The following ITSN1 variants were observed in gnomAD, a reference collection of about 807,000 sequenced individuals.
ITSN1 encodes the protein intersectin-1.
In ITSN1, 58 loss-of-function variants were observed where a neutral mutation model predicts 239.8. The observed-to-expected ratio is 0.24, with a 90% CI of 0.20 to 0.30. The LOEUF is 0.30. Among genes scored for constraint, ITSN1 ranks in the 10% least tolerant of loss-of-function variants. The pLI, the probability that ITSN1 is intolerant of heterozygous loss-of-function variation, is 1.00. For missense variants in ITSN1, 1,558 were observed against 2,103.3 expected (o/e 0.74, Z 5.07); for synonymous variants, 780 against 770.8 (o/e 1.01, Z -0.20).
chr21:33,807,759 G>A (rs1447360016), intron 20 of ITSN1, among the ~76,000 whole-genome samples: 1 of 152,208 alleles, frequency 6.6e-6, no homozygotes, highest in Admixed American at 6.5e-5. Context: ...GTCGATCAAG[G>A]GATCCACTTG....
In ITSN1 at chr21:33,898,155, G is replaced by A. The variant is rs1208913342; in HGVS notation, c.*9855G>A. 1 of 152,162 alleles carries A rather than the reference G, an allele frequency of 6.6e-6. No individual in the cohort carries two copies. The highest frequency in any genetic ancestry group is 6.5e-5 in the Admixed American group (1 of 15,280). 9.4% of individuals were successfully genotyped at this position (152,162 alleles called of 1,614,324 possible). A position where few individuals can be genotyped will look rare whatever the true frequency, so the allele number is the denominator to read the frequency against. ...TTCTAGTGGATTTGTTAGGGATCTG[G>A]GGCTGACGCAGCTATCCCACTAGAG... On this transcript the variant is annotated 3_prime_UTR_variant, in exon 40 of 40. Coordinates refer to ENST00000381318, the MANE Select transcript of ITSN1 (RefSeq NM_003024.3).
At chr21:33,814,265 C>T in intron 22 of ITSN1, 193 bp downstream of exon 22, 1 of 552,126 alleles carries the variant, frequency 1.8e-6, no homozygotes, top group South Asian at 2.5e-5. Context: ...GGGGGTGGGA[C>T]ACAGTCAACT....
chr21:33,865,408 A>G lies in ITSN1; in HGVS notation c.4074+74A>G. The stretch of plus-strand genomic sequence containing the variant: ...GGGCAGCTGGATGTGTGAGGGGCTA[A>G]TTCAAAAGTCTGCAAGAGTGTTCCC... On this transcript the variant is annotated intron_variant, in intron 32 of 39. Coordinates refer to ENST00000381318, the MANE Select transcript of ITSN1 (RefSeq NM_003024.3). The surrounding 1 kb of genome is among the most constrained non-coding windows in gnomAD (Gnocchi z 4.4). 8.0e-7 allele frequency: 1 copy of G among 1,249,686 alleles called. No individual in the cohort carries two copies. Among genetic ancestry groups the G allele is most frequent in the Non-Finnish European group, 1.1e-6 (1 of 914,366 alleles). The allele number at this position is 1,249,686 out of a possible 1,614,324, so 77.4% of individuals were successfully genotyped here.
intron 5 of ITSN1, chr21:33,735,492 T>C (rs2066443509): frequency 1.9e-5 from 7 of 378,310 alleles, no homozygotes; most frequent in Non-Finnish European, 3.4e-5. Context: ...TTTTTTTTTT[T>C]TTTTCTCTTC....
chr21:33,693,903 C>T (rs764998851), intron 1 of ITSN1, among the ~76,000 whole-genome samples: 2 of 152,196 alleles, frequency 1.3e-5, no homozygotes, highest in Admixed American at 6.5e-5. Context: ...ATATTTACAA[C>T]ACTTTATCCA....
Position 33,800,821 on chromosome 21 carries a change from T to G in ITSN1, c.2304+892T>G, listed in dbSNP as rs116485996. 6.3e-3 allele frequency among the ~76,000 whole-genome samples: 957 copies of G among 152,126 alleles called. 11 individuals are homozygous for G. Among genetic ancestry groups the G allele is most frequent in the African/African-American group, 0.022 (907 of 41,480 alleles). ...TTTTAAAGATAATTTAGATTTTTTT[T>G]TTGTTGTGGTTGACACAAGTTCTCA... On this transcript the variant is annotated intron_variant, in intron 19 of 39. Coordinates refer to ENST00000381318, the MANE Select transcript of ITSN1 (RefSeq NM_003024.3).
chr21:33,797,707 T>C lies in ITSN1; in HGVS notation c.2182+99T>C. 1 of 846,494 alleles carries C rather than the reference T, an allele frequency of 1.2e-6. No individual in the cohort carries two copies. Among genetic ancestry groups the C allele is most frequent in the Non-Finnish European group, 1.9e-6 (1 of 534,370 alleles). 52.4% of individuals were successfully genotyped at this position (846,494 alleles called of 1,614,324 possible). A position where few individuals can be genotyped will look rare whatever the true frequency, so the allele number is the denominator to read the frequency against. ...CTCATCAGTACCTGTCTTGGCTACA[T>C]TAACAGATGAGAACGTCAGTCTCTT... On this transcript the variant is annotated intron_variant, in intron 18 of 39. Transcript: ENST00000381318. This position sits in a 1 kb window ranked among gnomAD's most constrained non-coding sequence, Gnocchi z 4.9.
rs114263380 is a variant in ITSN1, at chr21:33,750,333, T to C, written c.526+11T>C. On this transcript the variant is annotated intron_variant, in intron 6 of 39. Coordinates refer to ENST00000381318, the MANE Select transcript of ITSN1 (RefSeq NM_003024.3). ...CATTTGCTCATCCTGGTATGTGACTTGCTGAAACCATAGGCTGAGTTTTTA... is the reference window on the plus strand; with the variant it reads ...CATTTGCTCATCCTGGTATGTGACTCGCTGAAACCATAGGCTGAGTTTTTA... The C allele has an allele frequency of 3.7e-4, 602 of 1,611,454 alleles. 4 individuals carry two copies. The African/African-American group carries it at 6.9e-3, about 18-fold the overall frequency.
In ITSN1 at chr21:33,781,458, C is replaced by G; in HGVS notation, c.1597-3C>G. On this transcript the variant is annotated splice_polypyrimidine_tract_variant and splice_region_variant and intron_variant, in intron 14 of 39. Coordinates refer to ENST00000381318, the MANE Select transcript of ITSN1 (RefSeq NM_003024.3). Reference sequence around the variant, plus strand: ...CATTACTATTTTCCTCCTTCCTTCCCAGGAATCTCAGCAAATGCTTGGAAG... The same window carrying G: ...CATTACTATTTTCCTCCTTCCTTCCGAGGAATCTCAGCAAATGCTTGGAAG... 1 of 1,551,156 alleles carries G rather than the reference C, an allele frequency of 6.4e-7. No homozygotes were observed. The highest frequency in any genetic ancestry group is 8.9e-7 in the Non-Finnish European group (1 of 1,128,492).
At chr21:33,841,937 C>CTT (rs60218190) in intron 29 of ITSN1, among the ~76,000 whole-genome samples, 8 of 131,994 alleles carry the variant, frequency 6.1e-5, no homozygotes, top group African/African-American at 8.4e-5. Flanking sequence ...CTCTTGGGCA[C>CTT]TTTTTTTTTT....
At chr21:33,784,310 AACACACACAC>A (rs58496273) in intron 16 of ITSN1, among the ~76,000 whole-genome samples, 4,324 of 134,150 alleles carry the variant, frequency 0.032, 127 homozygotes, top group African/African-American at 0.086. Flanking sequence ...GTCTCTACAA[AACACACACAC>A]ACACACACAC....
At chr21:33,837,234 A>G in intron 29 of ITSN1, 2 of 1,249,878 alleles carry the variant, frequency 1.6e-6, no homozygotes, top group Non-Finnish European at 2.0e-6. Context: ...ACAAAAACAC[A>G]CAGGGTAGTG....
chr21:33,644,114 G>A (rs2087709316), intron 1 of ITSN1, among the ~76,000 whole-genome samples: 1 of 152,242 alleles, frequency 6.6e-6, no homozygotes, highest in Non-Finnish European at 1.5e-5. Context: ...TGAGAGTGCA[G>A]AAGCTTAAAC....
chr21:33,801,123 C>CA (rs1358259964), intron 19 of ITSN1, among the ~76,000 whole-genome samples: 4 of 152,082 alleles, frequency 2.6e-5, no homozygotes, highest in African/African-American at 7.2e-5. Context: ...CCTCCCAGGT[C>CA]AGCCTCCCAA....
At chr21:33,684,056 A>G (rs1264312426) in intron 1 of ITSN1, among the ~76,000 whole-genome samples, 2 of 152,222 alleles carry the variant, frequency 1.3e-5, no homozygotes, top group Non-Finnish European at 2.9e-5. Context: ...CCTGTGAGTT[A>G]GTCTTCATTT....
At chr21:33,830,874 A>T (rs1479149918) in intron 27 of ITSN1, among the ~76,000 whole-genome samples, 1 of 151,144 alleles carries the variant, frequency 6.6e-6, no homozygotes, top group Non-Finnish European at 1.5e-5. Flanking sequence ...AGATGAATCA[A>T]AAAAAGAACT....
At position 33,761,013 on chromosome 21, in the gene ITSN1, G is replaced by C. The variant is rs114092115; in HGVS notation, c.725-910G>C. 7.3e-3 allele frequency among the ~76,000 whole-genome samples: 1,106 copies of C among 151,896 alleles called. 15 individuals are homozygous for C. Among genetic ancestry groups the C allele is most frequent in the African/African-American group, 0.025 (1,053 of 41,416 alleles). On this transcript the variant is annotated intron_variant, in intron 8 of 39. Transcript: ENST00000381318. Reference sequence around the variant, plus strand: ...GAAATGAGAGCTTATTTTGAGAGAAGAGTAGAAATTCCAGGAATTCTTCTT... The same window carrying C: ...GAAATGAGAGCTTATTTTGAGAGAACAGTAGAAATTCCAGGAATTCTTCTT...
Position 33,813,946 on chromosome 21 carries a change from G to C in ITSN1, c.2601G>C (p.Thr867=), listed in dbSNP as rs749392702. The change falls in exon 22 of 40, where the codon ACG becomes ACC. Residue 867 remains threonine (T), a synonymous_variant. Coordinates refer to ENST00000381318, the MANE Select transcript of ITSN1 (RefSeq NM_003024.3). ...WPTSTNEKPE[T]DNWDAWAAQP... ...CCAGCACGAATGAGAAACCAGAAAC[G>C]GATAACTGGGATGCATGGGCAGCCC... The C allele has an allele frequency of 1.5e-5, 25 of 1,613,772 alleles. No individual in the cohort carries two copies. Among genetic ancestry groups the C allele is most frequent in the Non-Finnish European group, 2.1e-5 (25 of 1,179,946 alleles).
At chr21:33,761,338 A>T (rs1351833663) in intron 8 of ITSN1, among the ~76,000 whole-genome samples, 1 of 151,884 alleles carries the variant, frequency 6.6e-6, no homozygotes, top group Non-Finnish European at 1.5e-5. Flanking sequence ...GAATGCTGGG[A>T]TTACAGGCAC....
Sources: gnomAD v4.1 joint callset for allele counts (sites outside exome capture counted in the v4.1 genomes callset) on GRCh38, gnomAD v4.1.1 for gene constraint, Gnocchi (gnomAD v3.1) non-coding constraint, MANE v1.5 for transcripts, NCBI Gene and HGNC (gene_info 2026-07-23, HGNC 2026-07-21) for gene names.